Variants in NOVA1 observed in about 807,000 individuals in gnomAD.
The protein encoded by NOVA1 is NOVA alternative splicing regulator 1.
Under a neutral mutation model 38.0 loss-of-function variants are expected in NOVA1, and 7 were observed. The observed-to-expected ratio is 0.18, with a 90% confidence interval of 0.10 to 0.35. The LOEUF is 0.35. NOVA1 is among the 10% of genes least tolerant of loss of function. The pLI is 1.00. For missense variants in NOVA1, 460 were observed against 616.0 expected, an observed-to-expected ratio of 0.75 and a Z score of 2.68; for synonymous variants, 270 against 232.5, an observed-to-expected ratio of 1.16 and a Z score of -1.47.
intron 4 of NOVA1, 67 bp downstream of exon 4, chr14:26,472,253 C>G: frequency 1.1e-6 from 1 of 929,346 alleles, no homozygotes; most frequent in Non-Finnish European, 1.8e-6. Flanking sequence ...CCACCATTAT[C>G]TTTTTCTCCA....
intron 2 of NOVA1, among the ~76,000 whole-genome samples, chr14:26,568,170 C>G (rs1020483301): frequency 6.6e-6 from 1 of 152,164 alleles, no homozygotes; most frequent in African/African-American, 2.4e-5. Context: ...CTACTCTTTA[C>G]AATGTAGTAA....
intron 2 of NOVA1, among the ~76,000 whole-genome samples, chr14:26,580,933 C>T (rs1893177285): frequency 6.6e-6 from 1 of 151,806 alleles, no homozygotes; most frequent in Non-Finnish European, 1.5e-5. Context: ...TTAAATGAAA[C>T]AAGCATAGAA....
At chr14:26,553,715 G>A (rs910346182) in intron 2 of NOVA1, among the ~76,000 whole-genome samples, 4 of 152,064 alleles carry the variant, frequency 2.6e-5, no homozygotes, top group African/African-American at 9.7e-5. Flanking sequence ...ATAGTGGAGA[G>A]GTAGAAATTG....
chr14:26,512,212 T>G (rs2138459247), intron 2 of NOVA1, among the ~76,000 whole-genome samples: 1 of 152,344 alleles, frequency 6.6e-6, no homozygotes, highest in South Asian at 2.1e-4. Context: ...AATATTTAAT[T>G]AAGACTTCTT....
intron 2 of NOVA1, among the ~76,000 whole-genome samples, chr14:26,528,380 A>AC (rs1889449634): frequency 6.6e-6 from 1 of 152,196 alleles, no homozygotes; most frequent in Admixed American, 6.5e-5. Context: ...CTAAGATGGT[A>AC]CAATGCATAT....
intron 4 of NOVA1, among the ~76,000 whole-genome samples, chr14:26,452,647 T>A (rs1393204894): frequency 2.0e-5 from 3 of 152,218 alleles, no homozygotes; most frequent in Admixed American, 6.5e-5. Flanking sequence ...ACACATATTC[T>A]TATTTCTAAA....
At chr14:26,576,398 T>C (rs12883976) in intron 2 of NOVA1, among the ~76,000 whole-genome samples, 4,021 of 151,100 alleles carry the variant, frequency 0.027, 170 homozygotes, top group African/African-American at 0.093. Context: ...TTTTTACGGA[T>C]ACTAAAATGA....
intron 2 of NOVA1, among the ~76,000 whole-genome samples, chr14:26,502,430 T>C (rs1413113350): frequency 6.6e-6 from 1 of 151,872 alleles, no homozygotes; most frequent in East Asian, 1.9e-4. Context: ...TTTTTTACTG[T>C]TTTTCATTGT....
At chr14:26,525,884 T>G (rs888725773) in intron 2 of NOVA1, among the ~76,000 whole-genome samples, 5 of 152,122 alleles carry the variant, frequency 3.3e-5, no homozygotes, top group Non-Finnish European at 5.9e-5. Flanking sequence ...GGGATCATTT[T>G]AAATATAGTA....
At chr14:26,458,931 A>G (rs1413915988) in intron 4 of NOVA1, among the ~76,000 whole-genome samples, 1 of 152,174 alleles carries the variant, frequency 6.6e-6, no homozygotes, top group Non-Finnish European at 1.5e-5. Context: ...GCCAAAAAGT[A>G]AAAACATTAA....
chr14:26,597,633 G>A lies in NOVA1; in HGVS notation c.-197C>T. ...GTTTGTTCTCACTGGGGAGGGGGCA[G>A]GGCTGAGGAGCAGCTGCAGTGCAGT... is the stretch of plus-strand genomic sequence containing the variant. On this transcript the variant is annotated 5_prime_UTR_variant, in exon 1 of 5. Transcript: ENST00000539517. 5.8e-6 allele frequency: 7 copies of A among 1,215,910 alleles called. No individual in the cohort carries two copies. The highest frequency in any genetic ancestry group is 2.0e-6 in the Non-Finnish European group (2 of 980,204). 75.3% of individuals were successfully genotyped at this position (1,215,910 alleles called of 1,614,324 possible).
At chr14:26,584,335 T>C (rs185734045) in intron 2 of NOVA1, among the ~76,000 whole-genome samples, 68 of 151,642 alleles carry the variant, frequency 4.5e-4, no homozygotes, top group African/African-American at 1.5e-3. Context: ...GTATACTCAA[T>C]TATACTTTTG....
intron 2 of NOVA1, among the ~76,000 whole-genome samples, chr14:26,586,905 TCA>T (rs1893548790): frequency 6.8e-6 from 1 of 147,938 alleles, no homozygotes; most frequent in African/African-American, 2.5e-5. Flanking sequence ...GGCCATCATC[TCA>T]GTTTTTTTTT....
intron 1 of NOVA1, chr14:26,596,777 C>T (rs912364121): frequency 4.0e-5 from 48 of 1,209,190 alleles, no homozygotes; most frequent in African/African-American, 1.6e-5. Flanking sequence ...GCGGTAAGGG[C>T]ATGCACTCAT....
intron 2 of NOVA1, chr14:26,594,406 T>C (rs1594599547): frequency 1.3e-5 from 2 of 151,934 alleles, no homozygotes; most frequent in African/African-American, 4.8e-5. Flanking sequence ...CTGAATTAGA[T>C]CACTGAAAGC....
intron 1 of NOVA1, chr14:26,596,443 A>G: frequency 1.3e-6 from 1 of 798,652 alleles, no homozygotes; most frequent in Non-Finnish European, 1.7e-6. Context: ...CGTCAACTTG[A>G]TCACATCTTA....
In NOVA1 at chr14:26,448,627, C is replaced by A. The variant is rs909859060; in HGVS notation, c.856G>T (p.Ala286Ser). ...AGGTTAGCATGTCCTAATAGCCCTG[C>A]AGCTGCTGCAGCAGTTGGTAACACT... ...AEVLPTAAAA[A>S]GLLGHANLAG... Residue 286 changes from alanine to serine, a missense_variant, in exon 5 of 5, where the codon GCA becomes TCA. Coordinates refer to ENST00000539517, the MANE Select transcript of NOVA1 (RefSeq NM_002515.3). The surrounding 1 kb of genome is among the most constrained non-coding windows in gnomAD (Gnocchi z 5.3). 5 of 1,614,262 alleles carry A rather than the reference C, an allele frequency of 3.1e-6. No individual in the cohort carries two copies. The highest frequency in any genetic ancestry group is 4.2e-6 in the Non-Finnish European group (5 of 1,180,048).
At chr14:26,449,371 TA>T (rs1212165832) in intron 4 of NOVA1, among the ~76,000 whole-genome samples, 1 of 152,064 alleles carries the variant, frequency 6.6e-6, no homozygotes, top group Non-Finnish European at 1.5e-5. Flanking sequence ...CTAAAACATT[TA>T]AAAAACAAAG....
At chr14:26,522,250 G>A (rs1683466858) in intron 2 of NOVA1, among the ~76,000 whole-genome samples, 1 of 152,086 alleles carries the variant, frequency 6.6e-6, no homozygotes, top group South Asian at 2.1e-4. Flanking sequence ...AAGCTCAACT[G>A]CACAGATAAA....
Sources: allele counts gnomAD v4.1 joint callset (sites outside exome capture counted in the v4.1 genomes callset), GRCh38; gene constraint gnomAD v4.1.1; non-coding constraint Gnocchi (gnomAD v3.1); transcripts MANE v1.5; gene names NCBI Gene and HGNC (gene_info 2026-07-23, HGNC 2026-07-21).